The following MAP2K6 variants were observed in gnomAD, a reference collection of about 807,000 sequenced individuals.
MAP2K6 encodes the protein mitogen-activated protein kinase kinase 6.
A neutral mutation model predicts 53.7 loss-of-function variants in MAP2K6; 16 were observed. The observed-to-expected ratio is 0.30, with a 90% confidence interval of 0.20 to 0.45. MAP2K6 has a LOEUF of 0.45. Ranked by LOEUF, MAP2K6 falls within the 20% of genes least tolerant of loss-of-function variation. The pLI is 1.00. For synonymous variants in MAP2K6, 132 were observed against 143.1 expected, an observed-to-expected ratio of 0.92 and a Z score of 0.55; for missense variants, 204 against 411.9, an observed-to-expected ratio of 0.50 and a Z score of 4.37.
chr17:69,416,141 T>G (rs1905892535), intron 1 of MAP2K6, among the ~76,000 whole-genome samples: 1 of 152,192 alleles, frequency 6.6e-6, no homozygotes, highest in African/African-American at 2.4e-5. Flanking sequence ...GGGCACTCTT[T>G]GAGTAAGACA....
intron 5 of MAP2K6, 101 bp from the exon 6 acceptor site, chr17:69,520,169 A>G (rs2145257671): frequency 1.5e-6 from 1 of 656,076 alleles, no homozygotes; most frequent in East Asian, 2.8e-5. Flanking sequence ...TCAAGAAAGA[A>G]ATAGTTAATT....
rs947143219 is a variant in MAP2K6 at position 69,547,338 on chromosome 17, T to C, written c.*5585T>C. 1 of 152,240 alleles carries C rather than the reference T, an allele frequency of 6.6e-6. No individual in the cohort carries two copies. The highest frequency in any genetic ancestry group is 2.4e-5 in the African/African-American group (1 of 41,468). The allele number at this position is 152,240 out of a possible 1,614,324, so 9.4% of individuals were successfully genotyped here. On this transcript the variant is annotated 3_prime_UTR_variant, in exon 12 of 12. Coordinates refer to ENST00000590474, the MANE Select transcript of MAP2K6 (RefSeq NM_002758.4). ...CAGATAGTAAATATTTTTGGCTTTG[T>C]GTGTTATACCATCTCTGTCACAGTT...
chr17:69,517,377 A>G (rs1598304087), intron 3 of MAP2K6, 123 bp from the exon 4 acceptor site: 1 of 515,924 alleles, frequency 1.9e-6, no homozygotes, highest in East Asian at 3.4e-5. Flanking sequence ...TTGACATGCT[A>G]GAAAATCTTC....
At chr17:69,535,893 C>A (rs1473441687) in intron 10 of MAP2K6, among the ~76,000 whole-genome samples, 7 of 151,958 alleles carry the variant, frequency 4.6e-5, no homozygotes, top group Admixed American at 3.3e-4. Flanking sequence ...CACACACACA[C>A]ACACACACAC....
intron 1 of MAP2K6, among the ~76,000 whole-genome samples, chr17:69,493,770 G>GA (rs202096268): frequency 1.5e-4 from 14 of 91,276 alleles, no homozygotes; most frequent in African/African-American, 3.1e-4. Flanking sequence ...CAAGAAAAAA[G>GA]AAAAAAAAAA....
In MAP2K6 at chr17:69,542,982, C is replaced by T. The variant is rs571177006; in HGVS notation, c.*1229C>T. On this transcript the variant is annotated 3_prime_UTR_variant, in exon 12 of 12. Coordinates refer to ENST00000590474, the MANE Select transcript of MAP2K6 (RefSeq NM_002758.4). ...AGATGACCACAAGTTGCGTTGAGGC[C>T]GCATCTTTCTTCAGCAGCGTGCAAT... 39 of 152,248 alleles carry T rather than the reference C, an allele frequency of 2.6e-4. No homozygotes were observed. The highest frequency in any genetic ancestry group is 4.4e-4 in the Non-Finnish European group (30 of 68,028). The allele number at this position is 152,248 out of a possible 1,614,324, so 9.4% of individuals were successfully genotyped here. A position where few individuals can be genotyped will look rare whatever the true frequency, so the allele number is the denominator to read the frequency against.
rs537659491 is a variant in MAP2K6, at chr17:69,496,169, T to G, written c.17-9611T>G. ...TCTTAAAATGGGGCCATTTCCCAAT[T>G]AGCGGATGGACAGGCTGGCTCATTC... On this transcript the variant is annotated intron_variant, in intron 1 of 11. Transcript: ENST00000590474. 1.4e-4 allele frequency among the ~76,000 whole-genome samples: 21 copies of G among 152,246 alleles called. No homozygotes were observed. The South Asian group carries it at 3.3e-3, about 24-fold the overall frequency.
chr17:69,528,207 T>C (rs566087853), intron 10 of MAP2K6, among the ~76,000 whole-genome samples: 1 of 151,018 alleles, frequency 6.6e-6, no homozygotes, highest in Admixed American at 6.6e-5. Context: ...ACCTAAGAGC[T>C]CTTCGACTCT....
In MAP2K6 at chr17:69,536,035, G is replaced by T; in HGVS notation, c.882-80G>T. 5.6e-6 allele frequency: 5 copies of T among 899,512 alleles called. No homozygotes were observed. The South Asian group carries it at 6.8e-5, about 12-fold the overall frequency. The allele number at this position is 899,512 out of a possible 1,614,324, so 55.7% of individuals were successfully genotyped here. A position where few individuals can be genotyped will look rare whatever the true frequency, so the allele number is the denominator to read the frequency against. ...ACTTTTAAAGCTGATTATGTTTAGTGTTCTACAGGTTCTGAAATCCTTGTC... is the reference window on the plus strand; with the variant it reads ...ACTTTTAAAGCTGATTATGTTTAGTTTTCTACAGGTTCTGAAATCCTTGTC... On this transcript the variant is annotated intron_variant, in intron 10 of 11. Transcript: ENST00000590474.
At position 69,551,127 on chromosome 17, in the gene MAP2K6, T is replaced by G. The variant is rs1912082012; in HGVS notation, c.*9374T>G. 6.6e-6 allele frequency: 1 copy of G among 152,132 alleles called. No homozygotes were observed. Among genetic ancestry groups the G allele is most frequent in the Non-Finnish European group, 1.5e-5 (1 of 68,020 alleles). 9.4% of individuals were successfully genotyped at this position (152,132 alleles called of 1,614,324 possible). A position where few individuals can be genotyped will look rare whatever the true frequency, so the allele number is the denominator to read the frequency against. On this transcript the variant is annotated 3_prime_UTR_variant, in exon 12 of 12. Coordinates refer to ENST00000590474, the MANE Select transcript of MAP2K6 (RefSeq NM_002758.4). ...ACCGTCTCAGTGACAAGGCGTGGAG[T>G]GACTGGGCTCTTCATATGCAGTGGA...
intron 1 of MAP2K6, among the ~76,000 whole-genome samples, chr17:69,439,595 G>A (rs1157570279): frequency 6.6e-6 from 1 of 152,148 alleles, no homozygotes; most frequent in East Asian, 1.9e-4. Flanking sequence ...TGGTGCCAGA[G>A]TTTGAACACG....
chr17:69,524,308 G>A (rs61759561), intron 8 of MAP2K6, among the ~76,000 whole-genome samples: 37 of 151,820 alleles, frequency 2.4e-4, no homozygotes, highest in African/African-American at 8.5e-4. Flanking sequence ...TGTTTGTTGA[G>A]GACAAAATAG....
chr17:69,498,650 CCACACACACACACA>C (rs3222089), intron 1 of MAP2K6, among the ~76,000 whole-genome samples: 17 of 145,418 alleles, frequency 1.2e-4, no homozygotes, highest in Admixed American at 1.1e-3. Flanking sequence ...CACCTGGAAG[CCACACACACACACA>C]CACACACACA....
intron 1 of MAP2K6, among the ~76,000 whole-genome samples, chr17:69,476,683 G>A (rs1908161817): frequency 1.3e-5 from 2 of 152,214 alleles, no homozygotes; most frequent in Admixed American, 1.3e-4. Context: ...GTCAATTTAT[G>A]TAAGCATGAA....
chr17:69,523,805 C>T (rs553536185), intron 8 of MAP2K6, among the ~76,000 whole-genome samples, 164 bp downstream of exon 8: 127 of 152,312 alleles, frequency 8.3e-4, no homozygotes, highest in African/African-American at 2.8e-3. Context: ...GAAATCTTTA[C>T]TCACTTGCTT....
intron 11 of MAP2K6, among the ~76,000 whole-genome samples, chr17:69,540,169 C>T (rs1018403238): frequency 1.3e-5 from 2 of 152,194 alleles, no homozygotes; most frequent in African/African-American, 4.8e-5. Context: ...GGAGCTGACT[C>T]ATCCAACCCT....
intron 1 of MAP2K6, among the ~76,000 whole-genome samples, chr17:69,503,205 A>G (rs1012821811): frequency 6.6e-6 from 1 of 152,206 alleles, no homozygotes; most frequent in Non-Finnish European, 1.5e-5. Flanking sequence ...AGTTATCTGT[A>G]TAGTTATCTA....
At chr17:69,432,731 G>A (rs1598259118) in intron 1 of MAP2K6, among the ~76,000 whole-genome samples, 1 of 151,766 alleles carries the variant, frequency 6.6e-6, no homozygotes, top group East Asian at 1.9e-4. Flanking sequence ...GGGTTGATGG[G>A]TGCAGCAAAC....
intron 1 of MAP2K6, among the ~76,000 whole-genome samples, chr17:69,480,458 A>G (rs1368768496): frequency 2.6e-5 from 4 of 152,362 alleles, no homozygotes; most frequent in African/African-American, 9.6e-5. Flanking sequence ...GTATTTGGAA[A>G]TTGAGACAAT....
Sources: gnomAD v4.1 joint callset for allele counts (sites outside exome capture counted in the v4.1 genomes callset) on GRCh38, gnomAD v4.1.1 for gene constraint, MANE v1.5 for transcripts, NCBI Gene and HGNC (gene_info 2026-07-23, HGNC 2026-07-21) for gene names.